MTTP: variants seen among roughly 807,000 people sequenced by gnomAD.
The protein encoded by MTTP is microsomal triglyceride transfer protein, also known as microsomal triglyceride transfer protein large subunit.
Under a neutral mutation model 90.6 loss-of-function variants are expected in MTTP, and 49 were observed. The ratio of observed to expected loss-of-function variants is 0.54; its 90% confidence interval spans 0.43 to 0.69. The LOEUF (loss-of-function observed/expected upper bound fraction) is 0.69. MTTP is among the 30% of genes least tolerant of loss of function. The pLI is 0.00. For synonymous variants in MTTP, 347 were observed against 384.2 expected (o/e 0.90, Z 1.13); for missense variants, 945 against 1,067.5 (o/e 0.89, Z 1.60).
chr4:99,616,255 A>G (rs1468695352), intron 15 of MTTP, among the ~76,000 whole-genome samples: 1 of 152,158 alleles, frequency 6.6e-6, no homozygotes, highest in African/African-American at 2.4e-5. Context: ...TTAGCTGGGC[A>G]TAGTGGGGTA....
chr4:99,566,162 G>A (rs914692090), intron 1 of MTTP, among the ~76,000 whole-genome samples: 6 of 151,848 alleles, frequency 4.0e-5, no homozygotes, highest in Non-Finnish European at 5.9e-5. Flanking sequence ...GGTGGCGGGC[G>A]CCTGTAGTCC....
intron 11 of MTTP, among the ~76,000 whole-genome samples, chr4:99,607,513 C>T (rs140480414): frequency 0.013 from 1,938 of 152,276 alleles, 14 homozygotes; most frequent in Non-Finnish European, 0.022. Flanking sequence ...TAAACTCTGG[C>T]TCTGTCCTTC....
At chr4:99,612,422 T>C (rs1274262119) in intron 14 of MTTP, among the ~76,000 whole-genome samples, 1 of 151,284 alleles carries the variant, frequency 6.6e-6, no homozygotes. Context: ...GGGTGAGTCA[T>C]GGCTTAGAGA....
intron 9 of MTTP, among the ~76,000 whole-genome samples, 160 bp downstream of exon 9, chr4:99,600,893 T>A (rs1578246942): frequency 6.6e-6 from 1 of 152,176 alleles, no homozygotes; most frequent in East Asian, 1.9e-4. Flanking sequence ...AATTATTAAC[T>A]GTATAATAAA....
chr4:99,600,492 C>A, intron 8 of MTTP, 73 bp from the exon 9 acceptor site: 1 of 1,438,504 alleles, frequency 7.0e-7, no homozygotes. Context: ...AATAGAAACT[C>A]TGTGAATGGT....
At chr4:99,585,090 C>T (rs1323827888) in intron 3 of MTTP, among the ~76,000 whole-genome samples, 1 of 152,102 alleles carries the variant, frequency 6.6e-6, no homozygotes, top group African/African-American at 2.4e-5. Context: ...AATATAGATG[C>T]TTCTAAAATA....
intron 1 of MTTP, among the ~76,000 whole-genome samples, chr4:99,564,591 A>G (rs1724614038): frequency 6.6e-6 from 1 of 152,154 alleles, no homozygotes; most frequent in African/African-American, 2.4e-5. Flanking sequence ...ATAATACTTG[A>G]CCTTATATAA....
chr4:99,596,187 A>T (rs1399285986), intron 7 of MTTP, among the ~76,000 whole-genome samples: 1 of 152,148 alleles, frequency 6.6e-6, no homozygotes, highest in Non-Finnish European at 1.5e-5. Flanking sequence ...CTTGAAAAAG[A>T]GAAAAAAAAG....
At chr4:99,590,863 AC>A (rs879852364) in intron 4 of MTTP, among the ~76,000 whole-genome samples, 10,581 of 147,988 alleles carry the variant, frequency 0.071, 593 homozygotes, top group African/African-American at 0.16. Context: ...ACACACACAC[AC>A]CACACACACA....
intron 10 of MTTP, among the ~76,000 whole-genome samples, chr4:99,604,618 T>C (rs1261645735): frequency 6.6e-6 from 1 of 152,174 alleles, no homozygotes; most frequent in African/African-American, 2.4e-5. Flanking sequence ...TAAATACTTT[T>C]ACTTCTTATT....
At chr4:99,611,510 TA>T in intron 14 of MTTP, 57 bp downstream of exon 14, 1 of 1,593,276 alleles carries the variant, frequency 6.3e-7, no homozygotes, top group Non-Finnish European at 8.6e-7. Context: ...CAGGCTGAGG[TA>T]AAATAAAACA....
At position 99,581,889 on chromosome 4, in the gene MTTP, C is replaced by A; in HGVS notation, c.62-16C>A. On this transcript the variant is annotated splice_polypyrimidine_tract_variant and intron_variant, in intron 1 of 17. Coordinates refer to ENST00000265517, the MANE Select transcript of MTTP (RefSeq NM_001386140.1). ...CTTACAATGAAAACTGGATATGTGT[C>A]ATTATCTTTATGCAGGTCACACAAC... 6.2e-7 allele frequency: 1 copy of A among 1,613,584 alleles called. No homozygotes were observed. The highest frequency in any genetic ancestry group is 1.1e-5 in the South Asian group (1 of 91,060).
At chr4:99,591,882 G>A in intron 6 of MTTP, 92 bp downstream of exon 6, 3 of 1,159,098 alleles carry the variant, frequency 2.6e-6, no homozygotes, top group Non-Finnish European at 3.8e-6. Context: ...GTGTGTGTGT[G>A]TGTGTGCGCG....
chr4:99,599,398 C>G (rs921563964), intron 8 of MTTP, among the ~76,000 whole-genome samples: 7 of 152,052 alleles, frequency 4.6e-5, no homozygotes, highest in African/African-American at 1.7e-4. Context: ...GGTTTCAATC[C>G]CAGCAATGCC....
At chr4:99,580,130 T>C in intron 1 of MTTP, among the ~76,000 whole-genome samples, 1 of 150,968 alleles carries the variant, frequency 6.6e-6, no homozygotes, top group African/African-American at 2.4e-5. Context: ...CCTTAAAAAG[T>C]ACTTACTATT....
At chr4:99,618,503 T>C (rs1483117282) in intron 15 of MTTP, among the ~76,000 whole-genome samples, 1 of 152,202 alleles carries the variant, frequency 6.6e-6, no homozygotes, top group Non-Finnish European at 1.5e-5. Flanking sequence ...TCATTTTCCT[T>C]AGTTCAAAAG....
chr4:99,588,173 TG>T (rs1725303843), intron 3 of MTTP, among the ~76,000 whole-genome samples: 3 of 152,172 alleles, frequency 2.0e-5, no homozygotes, highest in Admixed American at 6.5e-5. Context: ...ATAATTTTCA[TG>T]TAGACTAAAT....
At chr4:99,600,022 T>C (rs562810813) in intron 8 of MTTP, among the ~76,000 whole-genome samples, 11 of 152,266 alleles carry the variant, frequency 7.2e-5, no homozygotes, top group Admixed American at 3.3e-4. Flanking sequence ...CACATATTCA[T>C]TGTGGTTAAA....
Position 99,622,953 on chromosome 4 carries a change from G to A in MTTP, c.*105G>A. ...GAGCACAGCGTTTACATATTTACCT[G>A]TATTTAAGATTTTTGTAAAAAGCTA... On this transcript the variant is annotated 3_prime_UTR_variant, in exon 18 of 18. Transcript: ENST00000265517. 7.3e-7 allele frequency: 1 copy of A among 1,365,014 alleles called. No individual in the cohort carries two copies. Among genetic ancestry groups the A allele is most frequent in the Non-Finnish European group, 1.0e-6 (1 of 957,890 alleles). The allele number at this position is 1,365,014 out of a possible 1,614,324, so 84.6% of individuals were successfully genotyped here.
Sources: allele counts gnomAD v4.1 joint callset (sites outside exome capture counted in the v4.1 genomes callset), GRCh38; gene constraint gnomAD v4.1.1; transcripts MANE v1.5; gene names NCBI Gene and HGNC (gene_info 2026-07-23, HGNC 2026-07-21).